The following GULP1 variants were observed in gnomAD, a reference collection of about 807,000 sequenced individuals.
GULP1 encodes the protein GULP PTB domain containing engulfment adaptor 1.
GULP1 carries 19 observed loss-of-function variants against 40.9 expected under a neutral mutation model. The observed-to-expected ratio is 0.46, with a 90% CI of 0.32 to 0.68. GULP1 has a LOEUF of 0.68. Ranked by LOEUF, GULP1 falls within the 30% of genes least tolerant of loss-of-function variation. GULP1 has a pLI of 0.03. For synonymous variants in GULP1, 119 were observed against 117.6 expected (o/e 1.01, Z -0.08); for missense variants, 312 against 362.2 (o/e 0.86, Z 1.12).
chr2:188,336,371 C>A (rs577637698), intron 1 of GULP1, among the ~76,000 whole-genome samples: 2 of 152,258 alleles, frequency 1.3e-5, no homozygotes, highest in East Asian at 3.9e-4. Context: ...GCCTATTGAA[C>A]TATATCATGA....
At chr2:188,501,433 A>G (rs2063425786) in intron 4 of GULP1, among the ~76,000 whole-genome samples, 1 of 151,900 alleles carries the variant, frequency 6.6e-6, no homozygotes, top group African/African-American at 2.4e-5. Flanking sequence ...TTTCTTTATA[A>G]ATTACTCAGT....
At chr2:188,317,284 A>G (rs2039243366) in intron 1 of GULP1, among the ~76,000 whole-genome samples, 1 of 152,130 alleles carries the variant, frequency 6.6e-6, no homozygotes, top group Non-Finnish European at 1.5e-5. Context: ...TCCTAAGAAC[A>G]TGGTTCTTTT....
intron 6 of GULP1, among the ~76,000 whole-genome samples, chr2:188,538,694 A>AGTGTGTGTGTGT (rs113650180): frequency 2.1e-5 from 3 of 144,724 alleles, no homozygotes; most frequent in African/African-American, 7.5e-5. Flanking sequence ...TGTGTGTGTG[A>AGTGTGTGTGTGT]GTGTGTGTGT....
chr2:188,306,708 A>G lies in GULP1; in HGVS notation c.-172+14542A>G, dbSNP rs565954816. Among the ~76,000 whole-genome samples, 7 of 152,312 alleles carry G rather than the reference A, an allele frequency of 4.6e-5. No individual in the cohort carries two copies. In the South Asian group the frequency reaches 1.5e-3, roughly 32 times the overall value. ...GGGAGTCATCTGGTCAGACTTTACAATCCAAAGTTTGTACTTCATTCTAAG... is the reference window on the plus strand; with the variant it reads ...GGGAGTCATCTGGTCAGACTTTACAGTCCAAAGTTTGTACTTCATTCTAAG... On this transcript the variant is annotated intron_variant, in intron 1 of 11. Transcript: ENST00000409830.
chr2:188,581,672 C>T (rs1701354241), intron 9 of GULP1, among the ~76,000 whole-genome samples: 1 of 152,098 alleles, frequency 6.6e-6, no homozygotes, highest in Non-Finnish European at 1.5e-5. Context: ...TTGTCAATCA[C>T]CTCTTCCCAT....
chr2:188,518,666 A>G (rs1191759821), intron 4 of GULP1, among the ~76,000 whole-genome samples: 1 of 152,186 alleles, frequency 6.6e-6, no homozygotes, highest in Non-Finnish European at 1.5e-5. Flanking sequence ...CTCTGAGTTG[A>G]TAAAGTGGAT....
chr2:188,585,026 G>C, intron 10 of GULP1, among the ~76,000 whole-genome samples: 1 of 152,180 alleles, frequency 6.6e-6, no homozygotes, highest in East Asian at 1.9e-4. Context: ...CAGGCATTGG[G>C]TGAACGTTTC....
chr2:188,566,655 G>A lies in GULP1; in HGVS notation c.400-2584G>A, dbSNP rs557415679. Among the ~76,000 whole-genome samples the A allele has an allele frequency of 4.6e-5, 7 of 151,734 alleles. No homozygotes were observed. In the South Asian group the frequency reaches 1.5e-3, roughly 32 times the overall value. ...TATAAAAATAAAAAAAATTAGCTGG[G>A]TGTGGTGGTGCGTGCCTGTAGTCCC... On this transcript the variant is annotated intron_variant, in intron 7 of 11. Coordinates refer to ENST00000409830, the MANE Select transcript of GULP1 (RefSeq NM_016315.4).
chr2:188,499,608 G>A (rs983638227), intron 4 of GULP1, among the ~76,000 whole-genome samples: 2 of 151,784 alleles, frequency 1.3e-5, no homozygotes, highest in East Asian at 3.9e-4. Flanking sequence ...CAACCTCCAA[G>A]TGCATAAATT....
At chr2:188,333,641 T>C (rs1372780103) in intron 1 of GULP1, among the ~76,000 whole-genome samples, 1 of 152,186 alleles carries the variant, frequency 6.6e-6, no homozygotes, top group Non-Finnish European at 1.5e-5. Flanking sequence ...TTTGTACTCC[T>C]TAGGGTTGAA....
chr2:188,505,075 A>T (rs868215164), intron 4 of GULP1, among the ~76,000 whole-genome samples: 1 of 151,582 alleles, frequency 6.6e-6, no homozygotes, highest in Non-Finnish European at 1.5e-5. Context: ...ATTATTTTTT[A>T]AAATATTTTT....
At chr2:188,509,786 G>A (rs1187561607) in intron 4 of GULP1, among the ~76,000 whole-genome samples, 1 of 152,048 alleles carries the variant, frequency 6.6e-6, no homozygotes, top group African/African-American at 2.4e-5. Context: ...GATTTGGTTT[G>A]TTCTCAAATA....
At chr2:188,334,091 G>A (rs1377793557) in intron 1 of GULP1, among the ~76,000 whole-genome samples, 1 of 152,108 alleles carries the variant, frequency 6.6e-6, no homozygotes, top group Non-Finnish European at 1.5e-5. Flanking sequence ...TGACAGCTGG[G>A]GACCTGAGAG....
chr2:188,368,878 G>A (rs1017507568), intron 1 of GULP1, among the ~76,000 whole-genome samples: 28 of 138,882 alleles, frequency 2.0e-4, no homozygotes, highest in African/African-American at 6.3e-4. Flanking sequence ...CATTGGGTTA[G>A]TATAATTCTT....
At chr2:188,386,528 T>C (rs1358800106) in intron 2 of GULP1, among the ~76,000 whole-genome samples, 1 of 152,166 alleles carries the variant, frequency 6.6e-6, no homozygotes, top group Non-Finnish European at 1.5e-5. Context: ...TTGTATTTTC[T>C]ATTATATCTG....
chr2:188,530,384 A>C (rs1183692233), intron 6 of GULP1, among the ~76,000 whole-genome samples: 1 of 152,158 alleles, frequency 6.6e-6, no homozygotes, highest in Non-Finnish European at 1.5e-5. Context: ...TTAAAAATAA[A>C]ATCTGTTCTG....
intron 1 of GULP1, among the ~76,000 whole-genome samples, chr2:188,371,700 G>T (rs910824585): frequency 2.0e-5 from 3 of 151,998 alleles, no homozygotes; most frequent in African/African-American, 7.2e-5. Flanking sequence ...ATTAAGTTAA[G>T]CAAGCATTTA....
At position 188,536,673 on chromosome 2, in the gene GULP1, T is replaced by G. The variant is rs753855730; in HGVS notation, c.262-4508T>G. Reference sequence around the variant, plus strand: ...TTGCTCTGGCTATTCAGGCCCTTTTTTGGTTTCATATGCAGTTTAGAATTT... The same window carrying G: ...TTGCTCTGGCTATTCAGGCCCTTTTGTGGTTTCATATGCAGTTTAGAATTT... On this transcript the variant is annotated intron_variant, in intron 6 of 11. Transcript: ENST00000409830. 7.2e-5 allele frequency among the ~76,000 whole-genome samples: 11 copies of G among 152,304 alleles called. No homozygotes were observed. In the Middle Eastern group the frequency reaches 0.01, roughly 141 times the overall value.
At chr2:188,377,181 AAAAG>A (rs1028860594) in intron 1 of GULP1, among the ~76,000 whole-genome samples, 8 of 152,270 alleles carry the variant, frequency 5.3e-5, no homozygotes, top group African/African-American at 1.4e-4. Flanking sequence ...CAAAAAAAAA[AAAAG>A]AAAGAATTTG....
Sources: allele counts gnomAD v4.1 joint callset (sites outside exome capture counted in the v4.1 genomes callset), GRCh38; gene constraint gnomAD v4.1.1; transcripts MANE v1.5; gene names NCBI Gene and HGNC (gene_info 2026-07-23, HGNC 2026-07-21).